GPR173: variants seen among roughly 807,000 people sequenced by gnomAD.
GPR173 encodes G protein-coupled receptor 173.
A neutral mutation model predicts 13.9 loss-of-function variants in GPR173; 2 were observed. That is an observed-to-expected ratio of 0.14 (90% CI 0.06 to 0.45). GPR173 has a LOEUF of 0.45. GPR173 is among the 20% of genes least tolerant of loss of function. The pLI, the probability that GPR173 is intolerant of heterozygous loss-of-function variation, is 0.98. For synonymous variants in GPR173, 131 were observed against 141.0 expected, an observed-to-expected ratio of 0.93 and a Z score of 0.50; for missense variants, 202 against 340.5, an observed-to-expected ratio of 0.59 and a Z score of 3.20.
At chrX:53,073,221 T>TA (rs75150142) in intron 1 of GPR173, among the ~76,000 whole-genome samples, 2,965 of 70,368 alleles carry the variant, frequency 0.042, 149 homozygotes, top group African/African-American at 0.14. Context: ...GGAGACTGTC[T>TA]AAAAAAAAAA....
chrX:53,064,234 C>T (rs1245680448), intron 1 of GPR173, among the ~76,000 whole-genome samples: 1 of 111,697 alleles, frequency 9.0e-6, no homozygotes, highest in African/African-American at 3.3e-5. Flanking sequence ...GTCCATTTCG[C>T]GCTACTATAA....
intron 1 of GPR173, among the ~76,000 whole-genome samples, chrX:53,059,061 A>G (rs1208478095): frequency 9.3e-6 from 1 of 107,252 alleles, no homozygotes; most frequent in East Asian, 3.0e-4. Flanking sequence ...CATCCTGGCT[A>G]ACATGGTGAA....
intron 1 of GPR173, among the ~76,000 whole-genome samples, chrX:53,060,297 C>T (rs897164696): frequency 6.4e-5 from 7 of 109,516 alleles, no homozygotes; most frequent in Admixed American, 3.0e-4. Flanking sequence ...AAAAAAATGA[C>T]GGCCGGTCGC....
In GPR173 at chrX:53,068,457, G is replaced by C. The variant is rs1464518566; in HGVS notation, c.-97-8068G>C. ...ATTTTTGTAGAAGAAAGAAACTTGA[G>C]GAAAAATAAGAAGAAAATCAAATTA... is the stretch of plus-strand genomic sequence containing the variant. On this transcript the variant is annotated intron_variant, in intron 1 of 1. Transcript: ENST00000332582. Among the ~76,000 whole-genome samples the C allele has an allele frequency of 7.3e-5, 8 of 109,858 alleles. 1 individual carries two copies. Among genetic ancestry groups the C allele is most frequent in the African/African-American group, 2.7e-4 (8 of 30,119 alleles).
At chrX:53,056,245 C>T (rs1256833563) in intron 1 of GPR173, among the ~76,000 whole-genome samples, 3 of 109,287 alleles carry the variant, frequency 2.7e-5, no homozygotes, top group African/African-American at 1.0e-4. Flanking sequence ...TATATGAGAA[C>T]GGGAGTATTT....
intron 1 of GPR173, among the ~76,000 whole-genome samples, chrX:53,055,612 G>A (rs781910547): frequency 9.1e-6 from 1 of 109,813 alleles, no homozygotes; most frequent in South Asian, 3.9e-4. Context: ...GTGCTTGTGG[G>A]TGGTGTGGAG....
intron 1 of GPR173, among the ~76,000 whole-genome samples, chrX:53,076,262 G>GTC (rs1383610018): frequency 2.8e-5 from 3 of 108,764 alleles, no homozygotes; most frequent in Non-Finnish European, 1.9e-5. Context: ...TCTCCTGTCT[G>GTC]TCTCTCTCTC....
intron 1 of GPR173, chrX:53,065,661 A>AT (rs782196683): frequency 8.9e-6 from 1 of 112,436 alleles, no homozygotes; most frequent in South Asian, 3.6e-4. Flanking sequence ...GTCAAAGAGT[A>AT]TTTTTTAGTG....
Position 53,076,600 on chromosome X carries a change from G to T in GPR173, c.-22G>T. ...CGGACTGGCTGACCCCCTAGGGTTG[G>T]CAGTAGCCCCTGACCCTCAGTATGG... On this transcript the variant is annotated 5_prime_UTR_variant, in exon 2 of 2. Transcript: ENST00000332582. The T allele has an allele frequency of 8.6e-7, 1 of 1,162,232 alleles. No homozygotes were observed. Among genetic ancestry groups the T allele is most frequent in the Non-Finnish European group, 1.2e-6 (1 of 866,979 alleles).
Position 53,077,381 on chromosome X carries a change from A to T in GPR173, c.760A>T (p.Met254Leu). The change falls in exon 2 of 2, where the codon ATG (methionine) becomes TTG (leucine). Residue 254 changes from methionine to leucine, a missense_variant. Met to Leu is a conservative substitution (Grantham distance 15, BLOSUM62 2). Transcript: ENST00000332582. The stretch of plus-strand genomic sequence containing the variant: ...GATCGCCGGCTTTGGCCGTGGGCCC[A>T]TGCCACCAACCCTGCTGGGTATCCG... ...NWIAGFGRGP[M>L]PPTLLGIRQN... 8.3e-7 allele frequency: 1 copy of T among 1,201,352 alleles called. No individual in the cohort carries two copies. The highest frequency in any genetic ancestry group is 1.1e-6 in the Non-Finnish European group (1 of 890,265).
chrX:53,075,944 TG>T (rs2146686185), intron 1 of GPR173, among the ~76,000 whole-genome samples: 1 of 111,582 alleles, frequency 9.0e-6, no homozygotes, highest in South Asian at 3.7e-4. Flanking sequence ...CGGGTTGTGA[TG>T]TAAAATGTAT....
chrX:53,068,065 G>T (rs1046244321), intron 1 of GPR173, among the ~76,000 whole-genome samples: 2 of 111,471 alleles, frequency 1.8e-5, no homozygotes, highest in African/African-American at 6.5e-5. Flanking sequence ...ATTTTTAAAA[G>T]AGTCTTGACC....
rs973966359 is a variant in GPR173, at chrX:53,060,742, C to T, written c.-98+11258C>T. On this transcript the variant is annotated intron_variant, in intron 1 of 1. Transcript: ENST00000332582. ...CATAGCTGATGTACAAAATGGTATA[C>T]GGTTAGCCTCAAAAAGGGAGTAAAA... is the stretch of plus-strand genomic sequence containing the variant. Among the ~76,000 whole-genome samples the T allele has an allele frequency of 1.2e-4, 13 of 106,188 alleles. No homozygotes were observed. The Admixed American group carries it at 1.3e-3, about 11-fold the overall frequency. The allele number at this position is 106,188 out of a possible 115,157, so 92.2% of individuals were successfully genotyped here.
At position 53,077,976 on chromosome X, in the gene GPR173, C is replaced by T; in HGVS notation, c.*233C>T. ...TTGTGGGGCCTGTCTCCGCTGCCTCCTTCTCCACTTCTACAATCTCATTCT... is the reference window on the plus strand; with the variant it reads ...TTGTGGGGCCTGTCTCCGCTGCCTCTTTCTCCACTTCTACAATCTCATTCT... On this transcript the variant is annotated 3_prime_UTR_variant, in exon 2 of 2. Transcript: ENST00000332582. 1 of 395,279 alleles carries T rather than the reference C, an allele frequency of 2.5e-6. No individual in the cohort carries two copies. Among genetic ancestry groups the T allele is most frequent in the Non-Finnish European group, 4.5e-6 (1 of 222,161 alleles). The allele number at this position is 395,279 out of a possible 1,213,427, so 32.6% of individuals were successfully genotyped here.
chrX:53,063,328 A>C lies in GPR173; in HGVS notation c.-97-13197A>C, dbSNP rs199975976. On this transcript the variant is annotated intron_variant, in intron 1 of 1. Coordinates refer to ENST00000332582, the MANE Select transcript of GPR173 (RefSeq NM_018969.6). ...GCCACAGCAGGGGCAGCCAAGGGGT[A>C]CTGCTCCAGAATTGAAGGAGCAGAG... Among the ~76,000 whole-genome samples, 5 of 110,394 alleles carry C rather than the reference A, an allele frequency of 4.5e-5. No homozygotes were observed. The South Asian group carries it at 1.2e-3, about 25-fold the overall frequency.
intron 1 of GPR173, among the ~76,000 whole-genome samples, chrX:53,053,376 G>A (rs1931988955): frequency 8.9e-6 from 1 of 112,933 alleles, no homozygotes; most frequent in Admixed American, 9.3e-5. Flanking sequence ...CCTTGGGTGT[G>A]ATACAAAGTC....
Position 53,078,018 on chromosome X carries a change from GTCTCTCTCTCTCTC to G in GPR173, c.*290_*303del, listed in dbSNP as rs370688515. 1 of 259,594 alleles carries G rather than the reference GTCTCTCTCTCTCTC, an allele frequency of 3.9e-6. No individual in the cohort carries two copies. Among genetic ancestry groups the G allele is most frequent in the Non-Finnish European group, 7.0e-6 (1 of 141,879 alleles). 21.4% of individuals were successfully genotyped at this position (259,594 alleles called of 1,213,427 possible). ...TCTCATTCTCTCTCTCTCTCTCTCTGTCTCTCTCTCTCTCTCTCTCTCTCTCTCAGAAGTGACAA... is the reference window on the plus strand; with the variant it reads ...TCTCATTCTCTCTCTCTCTCTCTCTGTCTCTCTCTCTCTCAGAAGTGACAA... On this transcript the variant is annotated 3_prime_UTR_variant, in exon 2 of 2. Coordinates refer to ENST00000332582, the MANE Select transcript of GPR173 (RefSeq NM_018969.6).
chrX:53,077,696 G>A lies in GPR173; in HGVS notation c.1075G>A (p.Gly359Ser), dbSNP rs1932458729. The A allele has an allele frequency of 8.3e-7, 1 of 1,208,582 alleles. No homozygotes were observed. The highest frequency in any genetic ancestry group is 1.8e-5 in the South Asian group (1 of 56,936). ...CCTGAGGACTCACGCCCCCTGCTGGGGCACAGGAGGTGCCCCGGCTCCCAG... is the reference window on the plus strand; with the variant it reads ...CCTGAGGACTCACGCCCCCTGCTGGAGCACAGGAGGTGCCCCGGCTCCCAG... The part of the protein sequence containing the change: ...KCLRTHAPCW[G>S]TGGAPAPREP... The change falls in exon 2 of 2, where the codon GGC (glycine) becomes AGC (serine). Residue 359 changes from glycine (G) to serine (S), a missense_variant. By Grantham distance (56) the Gly-to-Ser change is moderately conservative. Coordinates refer to ENST00000332582, the MANE Select transcript of GPR173 (RefSeq NM_018969.6).
At chrX:53,061,991 AAGAAG>A (rs1556803835) in intron 1 of GPR173, among the ~76,000 whole-genome samples, 2,795 of 105,516 alleles carry the variant, frequency 0.026, 44 homozygotes, top group Middle Eastern at 0.042. Context: ...AGGGAAGAGA[AAGAAG>A]AGAAGAGAAG....
Sources: allele counts gnomAD v4.1 joint callset (sites outside exome capture counted in the v4.1 genomes callset), GRCh38; gene constraint gnomAD v4.1.1; transcripts MANE v1.5; gene names NCBI Gene and HGNC (gene_info 2026-07-23, HGNC 2026-07-21).